The following ANLN variants were observed in gnomAD, a reference collection of about 807,000 sequenced individuals.
ANLN encodes the protein anillin.
Under a neutral mutation model 135.1 loss-of-function variants are expected in ANLN, and 59 were observed. The ratio of observed to expected loss-of-function variants is 0.44; its 90% confidence interval spans 0.35 to 0.54. The LOEUF is 0.54. Ranked by LOEUF, ANLN falls within the 20% of genes least tolerant of loss-of-function variation. The probability of loss-of-function intolerance (pLI) is 0.00; values close to 1 mark genes in which losing one functional copy is unlikely to be tolerated. For synonymous variants in ANLN, 406 were observed against 456.4 expected (o/e 0.89, Z 1.41); for missense variants, 1,182 against 1,340.0 (o/e 0.88, Z 1.84).
At chr7:36,412,329 T>TATA (rs1562796065) in intron 7 of ANLN, among the ~76,000 whole-genome samples, 191 of 61,520 alleles carry the variant, frequency 3.1e-3, no homozygotes, top group African/African-American at 0.01. Flanking sequence ...ATATATATAT[T>TATA]TTTTTTTTTT....
In ANLN at chr7:36,425,997, CTTTTT is replaced by C; in HGVS notation, c.2749-7_2749-3del. The C allele has an allele frequency of 1.1e-5, 15 of 1,349,670 alleles. No homozygotes were observed. The highest frequency in any genetic ancestry group is 3.0e-5 in the South Asian group (2 of 67,180). The allele number at this position is 1,349,670 out of a possible 1,614,324, so 83.6% of individuals were successfully genotyped here. On this transcript the variant is annotated splice_polypyrimidine_tract_variant and intron_variant, in intron 18 of 23. Transcript: ENST00000265748. ...AATAACTTATGTTTCTTCTTCACAC[CTTTTT>C]TTTTTTTTTTAGAAAAGCAACATTC...
rs1403515529 is a variant in ANLN, at chr7:36,453,359, T to C, written c.*759T>C. The C allele has an allele frequency of 6.6e-6, 1 of 152,220 alleles. No individual in the cohort carries two copies. Among genetic ancestry groups the C allele is most frequent in the Non-Finnish European group, 1.5e-5 (1 of 68,032 alleles). The allele number at this position is 152,220 out of a possible 1,614,324, so 9.4% of individuals were successfully genotyped here. A position where few individuals can be genotyped will look rare whatever the true frequency, so the allele number is the denominator to read the frequency against. ...TTAGCATATTAGTTTTTTCTACTCC[T>C]ACAAGTGTAAATTGAAAAATCTTTA... On this transcript the variant is annotated 3_prime_UTR_variant, in exon 24 of 24. Transcript: ENST00000265748.
chr7:36,400,204 C>T (rs1786883507), intron 3 of ANLN, among the ~76,000 whole-genome samples: 1 of 152,168 alleles, frequency 6.6e-6, no homozygotes, highest in Non-Finnish European at 1.5e-5. Context: ...AAAAGCAGAA[C>T]CATCTTTGGC....
intron 20 of ANLN, chr7:36,428,348 G>T (rs1243026251): frequency 1.6e-6 from 2 of 1,284,324 alleles, no homozygotes; most frequent in Admixed American, 4.7e-5. Flanking sequence ...TGGGCTATTT[G>T]TTCCAGGAAA....
chr7:36,444,710 T>C (rs1053461993), intron 22 of ANLN, among the ~76,000 whole-genome samples: 2 of 152,072 alleles, frequency 1.3e-5, no homozygotes, highest in Admixed American at 6.5e-5. Context: ...GACATAGCTA[T>C]TGTTCATATT....
At position 36,389,881 on chromosome 7, in the gene ANLN, G is replaced by T; in HGVS notation, c.-146G>T. 7.0e-7 allele frequency: 1 copy of T among 1,434,836 alleles called. No individual in the cohort carries two copies. Among genetic ancestry groups the T allele is most frequent in the Non-Finnish European group, 9.7e-7 (1 of 1,032,268 alleles). 88.9% of individuals were successfully genotyped at this position (1,434,836 alleles called of 1,614,324 possible). A position where few individuals can be genotyped will look rare whatever the true frequency, so the allele number is the denominator to read the frequency against. On this transcript the variant is annotated 5_prime_UTR_variant, in exon 1 of 24. Transcript: ENST00000265748. Reference sequence around the variant, plus strand: ...GAGGCCGAGTCCGTCACTGGAAGCCGAGAGGAGAGGACAGCTGGTTGTGGG... The same window carrying T: ...GAGGCCGAGTCCGTCACTGGAAGCCTAGAGGAGAGGACAGCTGGTTGTGGG...
At chr7:36,447,417 C>CTTTTTTT (rs978030270) in intron 22 of ANLN, among the ~76,000 whole-genome samples, 8 of 105,864 alleles carry the variant, frequency 7.6e-5, no homozygotes, top group Non-Finnish European at 1.3e-4. Flanking sequence ...AGCAGTTGAT[C>CTTTTTTT]TTTTTTTTTT....
chr7:36,418,504 A>T (rs1403871481), intron 9 of ANLN, among the ~76,000 whole-genome samples: 1 of 152,194 alleles, frequency 6.6e-6, no homozygotes, highest in Non-Finnish European at 1.5e-5. Context: ...TAATACCACA[A>T]GGTGTTAGCA....
At chr7:36,438,047 C>A (rs1007088964) in intron 20 of ANLN, among the ~76,000 whole-genome samples, 4 of 152,222 alleles carry the variant, frequency 2.6e-5, no homozygotes, top group African/African-American at 9.6e-5. Flanking sequence ...CCTCAGCCTC[C>A]CAAAGTGCTG....
chr7:36,430,727 T>G (rs1300086182), intron 20 of ANLN, among the ~76,000 whole-genome samples: 1 of 152,216 alleles, frequency 6.6e-6, no homozygotes, highest in African/African-American at 2.4e-5. Context: ...TTTATACCTG[T>G]TGGCCTTGTG....
chr7:36,395,287 G>T (rs915047502), intron 1 of ANLN, among the ~76,000 whole-genome samples: 3 of 152,148 alleles, frequency 2.0e-5, no homozygotes, highest in Non-Finnish European at 4.4e-5. Flanking sequence ...GGCTGTAGGG[G>T]AGAATCTGTT....
At chr7:36,401,466 G>A (rs763785463) in intron 3 of ANLN, among the ~76,000 whole-genome samples, 3 of 152,198 alleles carry the variant, frequency 2.0e-5, no homozygotes, top group Non-Finnish European at 4.4e-5. Flanking sequence ...AGCCTCCCGA[G>A]TGGCTGGGAT....
intron 2 of ANLN, 104 bp from the exon 3 acceptor site, chr7:36,398,975 A>C (rs1003893698): frequency 3.5e-5 from 30 of 857,394 alleles, no homozygotes; most frequent in African/African-American, 5.1e-5. Flanking sequence ...ATTTAAAAGA[A>C]TAGGGAGGGG....
At chr7:36,423,363 G>A (rs971671059) in intron 14 of ANLN, among the ~76,000 whole-genome samples, 7 of 152,012 alleles carry the variant, frequency 4.6e-5, no homozygotes, top group Non-Finnish European at 7.4e-5. Flanking sequence ...TTTAGTATGC[G>A]TCTGGAGGTA....
At position 36,411,155 on chromosome 7, in the gene ANLN, G is replaced by C; in HGVS notation, c.1384G>C (p.Glu462Gln). Residue 462 changes from glutamate (E) to glutamine (Q), a missense_variant, in exon 7 of 24, where the codon GAA becomes CAA. Transcript: ENST00000265748. The stretch of plus-strand genomic sequence containing the variant: ...CGGAAACTCAAAAAGCAAACAACTA[G>C]AAACCAAACAGGTAATGTAAACAAG... The part of the protein sequence containing the change: ...KGGNSKSKQL[E>Q]TKQETHCQST... 1 of 1,604,886 alleles carries C rather than the reference G, an allele frequency of 6.2e-7. No homozygotes were observed. Among genetic ancestry groups the C allele is most frequent in the Admixed American group, 1.8e-5 (1 of 56,984 alleles).
chr7:36,405,912 T>C (rs1383953450), intron 3 of ANLN, among the ~76,000 whole-genome samples: 2 of 152,132 alleles, frequency 1.3e-5, no homozygotes, highest in African/African-American at 4.8e-5. Flanking sequence ...TAATTCATTC[T>C]AAAAATATAA....
chr7:36,421,269 T>C (rs184602433), intron 12 of ANLN, among the ~76,000 whole-genome samples: 112 of 152,246 alleles, frequency 7.4e-4, no homozygotes, highest in African/African-American at 2.6e-3. Context: ...GGTTTCACTA[T>C]GTTGGTCAGG....
rs186408604 is a variant in ANLN, at chr7:36,415,947, T to C, written c.1522+63T>C. On this transcript the variant is annotated intron_variant, in intron 8 of 23. Transcript: ENST00000265748. ...AACTCAAATGATGTTTGTGTGTTGA[T>C]TTTGTATTCTGTAACTTTGCTGGAT... is the stretch of plus-strand genomic sequence containing the variant. The C allele has an allele frequency of 0.011, 14,860 of 1,358,660 alleles. 96 individuals are homozygous for C. The highest frequency in any genetic ancestry group is 0.013 in the Non-Finnish European group (12,853 of 1,003,124). 84.2% of individuals were successfully genotyped at this position (1,358,660 alleles called of 1,614,324 possible). A position where few individuals can be genotyped will look rare whatever the true frequency, so the allele number is the denominator to read the frequency against.
rs778238903 is a variant in ANLN at position 36,422,773 on chromosome 7, A to G, written c.2440A>G (p.Lys814Glu). Residue 814 changes from lysine (K) to glutamate (E), a missense_variant, in exon 14 of 24, where the codon AAA becomes GAA. Lys to Glu is a moderately conservative substitution (Grantham distance 56). Transcript: ENST00000265748. ...TTTGTCAGAAATCCGCTTGCCTCTA[A>G]AAGCAGATTTTGTCTGCAGTACGGT... Reference protein sequence around the residue: ...VTLSEIRLPLKADFVCSTVQK... With the variant: ...VTLSEIRLPLEADFVCSTVQK... 3 of 1,612,562 alleles carry G rather than the reference A, an allele frequency of 1.9e-6. No individual in the cohort carries two copies. The highest frequency in any genetic ancestry group is 3.3e-4 in the Middle Eastern group (2 of 6,072).
Sources: gnomAD v4.1 joint callset for allele counts (sites outside exome capture counted in the v4.1 genomes callset) on GRCh38, gnomAD v4.1.1 for gene constraint, MANE v1.5 for transcripts, NCBI Gene and HGNC (gene_info 2026-07-23, HGNC 2026-07-21) for gene names.